The following MED25 variants were observed in gnomAD, a reference collection of about 807,000 sequenced individuals.
The protein encoded by MED25 is mediator of RNA polymerase II transcription subunit 25.
MED25 carries 62 observed loss-of-function variants against 89.4 expected under a neutral mutation model. The ratio of observed to expected loss-of-function variants is 0.69; its 90% CI spans 0.57 to 0.86. MED25 has a LOEUF of 0.86. Ranked by LOEUF, MED25 falls within the 40% of genes least tolerant of loss-of-function variation. MED25 has a pLI of 0.00. For synonymous variants in MED25, 449 were observed against 427.9 expected (o/e 1.05, Z -0.61); for missense variants, 905 against 1,005.2 (o/e 0.90, Z 1.35).
intron 4 of MED25, 121 bp from the exon 5 acceptor site, chr19:49,828,849 A>T (rs2123876417): frequency 1.3e-6 from 2 of 1,533,876 alleles, no homozygotes; most frequent in East Asian, 2.4e-5. Context: ...GCTGTAAAGT[A>T]GGGGCGTTGC....
intron 3 of MED25, among the ~76,000 whole-genome samples, chr19:49,823,783 G>C (rs1328060970): frequency 6.6e-6 from 1 of 152,192 alleles, no homozygotes; most frequent in Admixed American, 6.5e-5. Flanking sequence ...GTAACACAGA[G>C]CAGGGTTTCT....
chr19:49,829,230 G>C lies in MED25; in HGVS notation c.525+140G>C. On this transcript the variant is annotated intron_variant, in intron 5 of 17. Coordinates refer to ENST00000312865, the MANE Select transcript of MED25 (RefSeq NM_030973.4). The surrounding 1 kb of genome is among the most constrained non-coding windows in gnomAD (Gnocchi z 4.6). Reference sequence around the variant, plus strand: ...TGGACTCTTGGGTCTAAGCGGGGAGGCACTGGGGGCCTGGACTCAGACACA... The same window carrying C: ...TGGACTCTTGGGTCTAAGCGGGGAGCCACTGGGGGCCTGGACTCAGACACA... 1.4e-6 allele frequency: 1 copy of C among 732,392 alleles called. No individual in the cohort carries two copies. Among genetic ancestry groups the C allele is most frequent in the Non-Finnish European group, 2.4e-6 (1 of 423,048 alleles). The allele number at this position is 732,392 out of a possible 1,614,324, so 45.4% of individuals were successfully genotyped here. A position where few individuals can be genotyped will look rare whatever the true frequency, so the allele number is the denominator to read the frequency against.
chr19:49,830,460 G>T lies in MED25; in HGVS notation c.820-51G>T, dbSNP rs376796102. On this transcript the variant is annotated intron_variant, in intron 7 of 17. Coordinates refer to ENST00000312865, the MANE Select transcript of MED25 (RefSeq NM_030973.4). The surrounding 1 kb of genome is among the most constrained non-coding windows in gnomAD (Gnocchi z 4.6). ...TGTGACCTCGTGGGATACCAGGACTGGGGGGCCATGGTCCTCACCAGTCCC... is the reference window on the plus strand; with the variant it reads ...TGTGACCTCGTGGGATACCAGGACTTGGGGGCCATGGTCCTCACCAGTCCC... 15 of 1,574,054 alleles carry T rather than the reference G, an allele frequency of 9.5e-6. No homozygotes were observed. Among genetic ancestry groups the T allele is most frequent in the East Asian group, 2.2e-5 (1 of 44,668 alleles).
intron 3 of MED25, among the ~76,000 whole-genome samples, chr19:49,821,816 CAAAAA>C (rs35798804): frequency 9.5e-5 from 8 of 84,136 alleles, no homozygotes; most frequent in African/African-American, 1.4e-4. Flanking sequence ...AATTCTGTCT[CAAAAA>C]AAAAAAAAAA....
In MED25 at chr19:49,836,432, G is replaced by T; in HGVS notation, c.2146+26G>T. 6.4e-7 allele frequency: 1 copy of T among 1,565,096 alleles called. No individual in the cohort carries two copies. Among genetic ancestry groups the T allele is most frequent in the South Asian group, 1.2e-5 (1 of 85,614 alleles). ...GTAAGGGGACCCGGGGGAGGGCAGA[G>T]GTCTGGACTGAGTGTCCCAGCAGCT... is the stretch of plus-strand genomic sequence containing the variant. On this transcript the variant is annotated intron_variant, in intron 17 of 17. Coordinates refer to ENST00000312865, the MANE Select transcript of MED25 (RefSeq NM_030973.4). This position sits in a 1 kb window ranked among gnomAD's most constrained non-coding sequence, Gnocchi z 5.1.
At chr19:49,819,102 C>T (rs1600312836) in intron 2 of MED25, 70 bp from the exon 3 acceptor site, 3 of 1,587,338 alleles carry the variant, frequency 1.9e-6, no homozygotes, top group Non-Finnish European at 1.7e-6. Context: ...AGCTGGGAGC[C>T]CTGATTCCTT....
intron 3 of MED25, among the ~76,000 whole-genome samples, chr19:49,823,523 C>T (rs968856409): frequency 4.6e-5 from 7 of 152,058 alleles, no homozygotes; most frequent in African/African-American, 1.4e-4. Context: ...ATAATGGTCG[C>T]GTGTATCTCC....
chr19:49,821,327 G>T (rs1158737443), intron 3 of MED25, among the ~76,000 whole-genome samples: 1 of 152,204 alleles, frequency 6.6e-6, no homozygotes, highest in East Asian at 1.9e-4. Context: ...TGTCACGCAG[G>T]CTGGAGTGCA....
At chr19:49,821,871 G>C (rs1600315997) in intron 3 of MED25, among the ~76,000 whole-genome samples, 1 of 149,120 alleles carries the variant, frequency 6.7e-6, no homozygotes, top group Non-Finnish European at 1.5e-5. Flanking sequence ...GCTCATCCCT[G>C]TAATCCCAGC....
At position 49,835,388 on chromosome 19, in the gene MED25, G is replaced by A; in HGVS notation, c.1675-146G>A. ...ACAGCTTCCTCCTGGAGACCTTGGA[G>A]TGTACGGCATCCCTCCCAGACCACT... On this transcript the variant is annotated intron_variant, in intron 14 of 17. Transcript: ENST00000312865. This position sits in a 1 kb window ranked among gnomAD's most constrained non-coding sequence, Gnocchi z 6.2. 2.1e-6 allele frequency: 2 copies of A among 960,918 alleles called. No homozygotes were observed. Among genetic ancestry groups the A allele is most frequent in the African/African-American group, 1.6e-5 (1 of 61,400 alleles). The allele number at this position is 960,918 out of a possible 1,614,324, so 59.5% of individuals were successfully genotyped here.
intron 13 of MED25, chr19:49,833,456 A>C (rs906051068): frequency 6.6e-6 from 1 of 152,324 alleles, no homozygotes; most frequent in Non-Finnish European, 1.5e-5. Context: ...AACTCGGGGA[A>C]GGAGCAGATC....
chr19:49,829,549 G>A lies in MED25; in HGVS notation c.526-237G>A, dbSNP rs1156256499. Among the ~76,000 whole-genome samples, 2 of 152,170 alleles carry A rather than the reference G, an allele frequency of 1.3e-5. No homozygotes were observed. The highest frequency in any genetic ancestry group is 2.4e-5 in the African/African-American group (1 of 41,444). ...CTGACTCGGTCTCACAAAATCCTGG[G>A]ATTACAGACGTGAGCCTCCACACCT... On this transcript the variant is annotated intron_variant, in intron 5 of 17. Transcript: ENST00000312865. This position sits in a 1 kb window ranked among gnomAD's most constrained non-coding sequence, Gnocchi z 4.6.
Position 49,835,293 on chromosome 19 carries a change from C to G in MED25, c.1674+116C>G. 1 of 1,197,556 alleles carries G rather than the reference C, an allele frequency of 8.4e-7. No individual in the cohort carries two copies. The highest frequency in any genetic ancestry group is 1.2e-6 in the Non-Finnish European group (1 of 807,024). The allele number at this position is 1,197,556 out of a possible 1,614,324, so 74.2% of individuals were successfully genotyped here. On this transcript the variant is annotated intron_variant, in intron 14 of 17. Transcript: ENST00000312865. This position sits in a 1 kb window ranked among gnomAD's most constrained non-coding sequence, Gnocchi z 6.2. ...ACCCTTCTCCCAATATGTGGTGCCTCCAAGCTAAGTCCCACTCAGATTTTC... is the reference window on the plus strand; with the variant it reads ...ACCCTTCTCCCAATATGTGGTGCCTGCAAGCTAAGTCCCACTCAGATTTTC...
chr19:49,839,614 G>A (rs1459892449), downstream of MED25: 3 of 152,248 alleles, frequency 2.0e-5, no homozygotes, highest in African/African-American at 4.8e-5. Flanking sequence ...AAGACTTCTG[G>A]TCAAGGTTAT....
chr19:49,832,822 T>C (rs1263841325), intron 13 of MED25: 1 of 317,852 alleles, frequency 3.1e-6, no homozygotes, highest in African/African-American at 2.2e-5. Context: ...GGCCACGCTC[T>C]CTCTAGAGGC....
rs2074059550 is a variant in MED25, at chr19:49,831,807, G to A, written c.1231-129G>A. ...TGAAGGCTTGCTGGTCTGGAGGAGG[G>A]GCCTGGGGCTCATGGGACTTAAACT... On this transcript the variant is annotated intron_variant, in intron 10 of 17. Transcript: ENST00000312865. The surrounding 1 kb of genome is among the most constrained non-coding windows in gnomAD (Gnocchi z 5.0). 1 of 860,362 alleles carries A rather than the reference G, an allele frequency of 1.2e-6. No individual in the cohort carries two copies. The highest frequency in any genetic ancestry group is 1.7e-5 in the African/African-American group (1 of 59,980). 53.3% of individuals were successfully genotyped at this position (860,362 alleles called of 1,614,324 possible).
rs1190796399 is a variant in MED25 at position 49,818,986 on chromosome 19, GC to G, written c.181-184del. Reference sequence around the variant, plus strand: ...GGCTCCTGGGTCTGAGGGAGGAGGGGCCGGGGGCCTGGATTCCTGGGTCTGA... The same window carrying G: ...GGCTCCTGGGTCTGAGGGAGGAGGGGCGGGGGCCTGGATTCCTGGGTCTGA... On this transcript the variant is annotated intron_variant, in intron 2 of 17. Coordinates refer to ENST00000312865, the MANE Select transcript of MED25 (RefSeq NM_030973.4). 5 of 724,820 alleles carry G rather than the reference GC, an allele frequency of 6.9e-6. No individual in the cohort carries two copies. The East Asian group carries it at 1.4e-4, about 20-fold the overall frequency. The allele number at this position is 724,820 out of a possible 1,614,324, so 44.9% of individuals were successfully genotyped here. A position where few individuals can be genotyped will look rare whatever the true frequency, so the allele number is the denominator to read the frequency against.
rs780599931 is a variant in MED25, at chr19:49,818,299, G to C, written c.-43G>C. ...GGCGCATTTCTGCTCATTCCGCGGCGTCGGCTGCGGCTGCAGTGGTGGTGG... is the reference window on the plus strand; with the variant it reads ...GGCGCATTTCTGCTCATTCCGCGGCCTCGGCTGCGGCTGCAGTGGTGGTGG... On this transcript the variant is annotated 5_prime_UTR_variant, in exon 1 of 18. Coordinates refer to ENST00000312865, the MANE Select transcript of MED25 (RefSeq NM_030973.4). The C allele has an allele frequency of 6.4e-7, 1 of 1,553,758 alleles. No individual in the cohort carries two copies. Among genetic ancestry groups the C allele is most frequent in the Non-Finnish European group, 8.7e-7 (1 of 1,148,284 alleles).
At position 49,834,895 on chromosome 19, in the gene MED25, G is replaced by A; in HGVS notation, c.1483-91G>A. The A allele has an allele frequency of 7.4e-7, 1 of 1,345,130 alleles. No individual in the cohort carries two copies. The highest frequency in any genetic ancestry group is 1.1e-6 in the Non-Finnish European group (1 of 941,860). 83.3% of individuals were successfully genotyped at this position (1,345,130 alleles called of 1,614,324 possible). On this transcript the variant is annotated intron_variant, in intron 13 of 17. Transcript: ENST00000312865. The surrounding 1 kb of genome is among the most constrained non-coding windows in gnomAD (Gnocchi z 4.1). The stretch of plus-strand genomic sequence containing the variant: ...GCAGAAACCTCACCTCACCTTGCCT[G>A]TGGGGCCTCTAGAGCCTTCTGGAAT...
Sources: gnomAD v4.1 joint callset for allele counts (sites outside exome capture counted in the v4.1 genomes callset) on GRCh38, gnomAD v4.1.1 for gene constraint, Gnocchi (gnomAD v3.1) non-coding constraint, MANE v1.5 for transcripts, NCBI Gene and HGNC (gene_info 2026-07-23, HGNC 2026-07-21) for gene names.